MTUS2: variants seen among roughly 807,000 people sequenced by gnomAD.
The protein encoded by MTUS2 is microtubule associated scaffold protein 2.
In MTUS2, 40 loss-of-function variants were observed where a neutral mutation model predicts 114.1. The observed-to-expected ratio is 0.35, with a 90% CI of 0.27 to 0.46. The LOEUF (loss-of-function observed/expected upper bound fraction) is 0.46, where lower values mean the gene tolerates loss of function less well. Ranked by LOEUF, MTUS2 falls within the 20% of genes least tolerant of loss-of-function variation. The pLI, the probability that MTUS2 is intolerant of heterozygous loss-of-function variation, is 1.00. For missense variants in MTUS2, 1,679 were observed against 1,705.4 expected, an observed-to-expected ratio of 0.98 and a Z score of 0.27; for synonymous variants, 688 against 672.0, an observed-to-expected ratio of 1.02 and a Z score of -0.37.
chr13:28,895,491 AG>A (rs2137932913), intron 2 of MTUS2, among the ~76,000 whole-genome samples: 1 of 152,334 alleles, frequency 6.6e-6, no homozygotes, highest in East Asian at 1.9e-4. Flanking sequence ...AGACAATTAG[AG>A]AGTTACATTC....
rs370144521 is a variant in MTUS2, at chr13:29,025,679, C to T, written c.981C>T (p.Ala327=). Residue 327 remains alanine (A), a synonymous_variant, in exon 3 of 16, where the codon GCC becomes GCT. Coordinates refer to ENST00000612955, the MANE Select transcript of MTUS2 (RefSeq NM_001033602.4). ...GAGTTGAACAGGAGGGAAAGGCAGCCCAGGAAGGGTATCTGGGATGCCACA... is the reference window on the plus strand; with the variant it reads ...GAGTTGAACAGGAGGGAAAGGCAGCTCAGGAAGGGTATCTGGGATGCCACA... ...PRRVEQEGKA[A]QEGYLGCHKE... 6.2e-7 allele frequency: 1 copy of T among 1,613,916 alleles called. No homozygotes were observed. Among genetic ancestry groups the T allele is most frequent in the African/African-American group, 1.3e-5 (1 of 75,010 alleles).
intron 6 of MTUS2, among the ~76,000 whole-genome samples, chr13:29,311,813 T>G (rs9551644): frequency 6.6e-6 from 1 of 152,184 alleles, no homozygotes; most frequent in Non-Finnish European, 1.5e-5. Context: ...TCAATTACTA[T>G]CTAATCAAAG....
intron 2 of MTUS2, among the ~76,000 whole-genome samples, chr13:28,916,065 C>G (rs1880728622): frequency 6.6e-6 from 1 of 151,746 alleles, no homozygotes; most frequent in Admixed American, 6.6e-5. Flanking sequence ...CTTTTTTCCC[C>G]CATTGTATGT....
chr13:29,250,905 G>A (rs1897101877), intron 5 of MTUS2, among the ~76,000 whole-genome samples: 1 of 152,146 alleles, frequency 6.6e-6, no homozygotes, highest in African/African-American at 2.4e-5. Flanking sequence ...ATAGAGCAGA[G>A]CAGACTGTCT....
chr13:29,151,994 T>C (rs1936971963), intron 5 of MTUS2, among the ~76,000 whole-genome samples: 1 of 152,158 alleles, frequency 6.6e-6, no homozygotes, highest in African/African-American at 2.4e-5. Context: ...TAGTTTTCTT[T>C]TATTGTTGTG....
At chr13:29,181,505 G>A (rs766666044) in intron 5 of MTUS2, among the ~76,000 whole-genome samples, 1 of 152,184 alleles carries the variant, frequency 6.6e-6, no homozygotes, top group Non-Finnish European at 1.5e-5. Context: ...GCTGTAGTAG[G>A]CAAAGCATTG....
chr13:28,884,370 G>A (rs1878465258), intron 2 of MTUS2, among the ~76,000 whole-genome samples: 2 of 152,158 alleles, frequency 1.3e-5, no homozygotes, highest in African/African-American at 4.8e-5. Context: ...CATAGAGACA[G>A]GAAGTAGAAT....
intron 8 of MTUS2, among the ~76,000 whole-genome samples, chr13:29,428,129 A>G (rs892920062): frequency 2.0e-5 from 3 of 152,376 alleles, no homozygotes; most frequent in African/African-American, 4.8e-5. Flanking sequence ...TATTTTAAAT[A>G]TGAAGATTTC....
chr13:29,298,635 A>G (rs188364186), intron 6 of MTUS2, among the ~76,000 whole-genome samples: 20 of 152,312 alleles, frequency 1.3e-4, no homozygotes, highest in Admixed American at 5.2e-4. Flanking sequence ...TTGCTAAAAT[A>G]AAATATTCAG....
At chr13:29,022,071 C>T (rs1214531292) in intron 2 of MTUS2, among the ~76,000 whole-genome samples, 2 of 151,348 alleles carry the variant, frequency 1.3e-5, no homozygotes, top group Non-Finnish European at 2.9e-5. Context: ...ATGTATGACT[C>T]TGTATTTTCC....
chr13:29,488,029 C>A (rs759880810), intron 11 of MTUS2, 24 bp downstream of exon 11: 1 of 1,574,502 alleles, frequency 6.4e-7, no homozygotes, highest in Non-Finnish European at 8.7e-7. Flanking sequence ...TCGTGTGCAG[C>A]AGGCAGGGGT....
intron 1 of MTUS2, among the ~76,000 whole-genome samples, chr13:28,832,780 C>T (rs1467529601): frequency 1.1e-5 from 1 of 91,872 alleles, no homozygotes; most frequent in East Asian, 3.5e-4. Context: ...ACAATAAAAT[C>T]AATAAAAACA....
chr13:29,359,481 C>T lies in MTUS2; in HGVS notation c.3117+8C>T. ...CAGCATTTCTTTAGAAAGGTGAGGC[C>T]CCATTTCGTGAAGGTCCAAGGGCAT... On this transcript the variant is annotated splice_region_variant and intron_variant, in intron 8 of 15. Coordinates refer to ENST00000612955, the MANE Select transcript of MTUS2 (RefSeq NM_001033602.4). 1.9e-6 allele frequency: 3 copies of T among 1,604,490 alleles called. No homozygotes were observed. The highest frequency in any genetic ancestry group is 2.5e-6 in the Non-Finnish European group (3 of 1,176,526).
At chr13:29,488,862 T>G (rs1881843368) in intron 11 of MTUS2, among the ~76,000 whole-genome samples, 1 of 152,204 alleles carries the variant, frequency 6.6e-6, no homozygotes, top group Admixed American at 6.5e-5. Context: ...ATTACTAAGT[T>G]CCAGTGAGAT....
intron 2 of MTUS2, among the ~76,000 whole-genome samples, chr13:28,907,385 C>A (rs1262643593): frequency 6.6e-6 from 1 of 151,514 alleles, no homozygotes; most frequent in African/African-American, 2.4e-5. Flanking sequence ...ATGAGAGGCT[C>A]AAATTCACAC....
chr13:29,460,798 A>C (rs1879429018), intron 9 of MTUS2, among the ~76,000 whole-genome samples: 1 of 152,076 alleles, frequency 6.6e-6, no homozygotes, highest in Non-Finnish European at 1.5e-5. Context: ...TTTTAGTGAG[A>C]TCAGGGGATA....
chr13:28,954,994 A>G (rs888408642), intron 2 of MTUS2, among the ~76,000 whole-genome samples: 1 of 152,202 alleles, frequency 6.6e-6, no homozygotes. Flanking sequence ...GGCACTTCCC[A>G]TGCAAGAACA....
At chr13:29,323,461 A>C (rs1307578373) in intron 6 of MTUS2, among the ~76,000 whole-genome samples, 1 of 152,130 alleles carries the variant, frequency 6.6e-6, no homozygotes, top group African/African-American at 2.4e-5. Flanking sequence ...CGTGTTAGCC[A>C]GGATTGTCTC....
intron 7 of MTUS2, among the ~76,000 whole-genome samples, chr13:29,335,528 T>C (rs1297776067): frequency 6.6e-6 from 1 of 152,160 alleles, no homozygotes; most frequent in Non-Finnish European, 1.5e-5. Flanking sequence ...CTCCTTCCCC[T>C]TTTGAAAATC....
Sources: gnomAD v4.1 joint callset for allele counts (sites outside exome capture counted in the v4.1 genomes callset) on GRCh38, gnomAD v4.1.1 for gene constraint, MANE v1.5 for transcripts, NCBI Gene and HGNC (gene_info 2026-07-23, HGNC 2026-07-21) for gene names.